Variants in SDK1 observed in about 807,000 individuals in gnomAD.
The protein encoded by SDK1 is protein sidekick-1.
In SDK1, 157 loss-of-function variants were observed where a neutral mutation model predicts 245.5. That is an observed-to-expected ratio of 0.64 (90% confidence interval 0.56 to 0.73). The LOEUF (loss-of-function observed/expected upper bound fraction) is 0.73. SDK1 is among the 30% of genes least tolerant of loss of function. The probability of loss-of-function intolerance (pLI) is 0.00; values close to 1 mark genes in which losing one functional copy is unlikely to be tolerated. For missense variants in SDK1, 3,583 were observed against 3,002.3 expected (o/e 1.19, Z -4.52); for synonymous variants, 1,647 against 1,278.5 (o/e 1.29, Z -6.15).
intron 5 of SDK1, among the ~76,000 whole-genome samples, chr7:3,882,794 A>G (rs1473313288): frequency 6.6e-6 from 1 of 151,990 alleles, no homozygotes; most frequent in Non-Finnish European, 1.5e-5. Flanking sequence ...AATTCTCTTC[A>G]CCAGTTAAAA....
At chr7:3,688,081 A>T (rs535474535) in intron 4 of SDK1, among the ~76,000 whole-genome samples, 22 of 152,384 alleles carry the variant, frequency 1.4e-4, no homozygotes, top group Non-Finnish European at 1.5e-5. Flanking sequence ...AAGCCAGTGT[A>T]CTAAGAGCTG....
At chr7:3,433,531 A>G (rs1171124548) in intron 1 of SDK1, among the ~76,000 whole-genome samples, 1 of 151,654 alleles carries the variant, frequency 6.6e-6, no homozygotes, top group African/African-American at 2.4e-5. Flanking sequence ...CTCTTTCCCT[A>G]TTTCTTCTTC....
chr7:3,933,982 G>A (rs1375707419), intron 5 of SDK1, among the ~76,000 whole-genome samples: 1 of 152,170 alleles, frequency 6.6e-6, no homozygotes, highest in Non-Finnish European at 1.5e-5. Context: ...GTTTGGTGTT[G>A]TTCCTGTTAA....
chr7:3,783,381 T>C (rs1199401786), intron 4 of SDK1, among the ~76,000 whole-genome samples: 1 of 151,212 alleles, frequency 6.6e-6, no homozygotes. Flanking sequence ...GAAAAATAAA[T>C]AGAAGGCATC....
intron 35 of SDK1, among the ~76,000 whole-genome samples, chr7:4,202,745 G>A (rs558341295): frequency 2.0e-4 from 31 of 152,112 alleles, no homozygotes; most frequent in African/African-American, 6.3e-4. Flanking sequence ...CAAATGCCAC[G>A]TAGAACCGTT....
At chr7:3,723,356 C>G (rs1487460541) in intron 4 of SDK1, among the ~76,000 whole-genome samples, 1 of 152,130 alleles carries the variant, frequency 6.6e-6, no homozygotes, top group Non-Finnish European at 1.5e-5. Context: ...AAATATAAGC[C>G]TTTGAAAAAT....
At chr7:3,768,338 A>G (rs1207366053) in intron 4 of SDK1, among the ~76,000 whole-genome samples, 9 of 152,244 alleles carry the variant, frequency 5.9e-5, no homozygotes, top group Non-Finnish European at 1.0e-4. Flanking sequence ...ACTCAAGGAC[A>G]GTATTGTCAT....
At chr7:3,802,191 G>C (rs1417373507) in intron 4 of SDK1, among the ~76,000 whole-genome samples, 1 of 151,994 alleles carries the variant, frequency 6.6e-6, no homozygotes, top group Middle Eastern at 3.2e-3. Context: ...GTAGTTCTTT[G>C]TCATTTTACT....
chr7:3,937,432 C>G (rs1462735523), intron 5 of SDK1, among the ~76,000 whole-genome samples: 2 of 152,212 alleles, frequency 1.3e-5, no homozygotes, highest in African/African-American at 2.4e-5. Flanking sequence ...AACCACCCAG[C>G]CTGCAGAGGC....
chr7:3,305,895 C>G (rs540159447), intron 1 of SDK1, among the ~76,000 whole-genome samples: 2 of 152,282 alleles, frequency 1.3e-5, no homozygotes, highest in East Asian at 3.9e-4. Flanking sequence ...GAGAGGTAGA[C>G]AGCATTTTTG....
chr7:3,778,274 G>C (rs960327894), intron 4 of SDK1, among the ~76,000 whole-genome samples: 69 of 151,860 alleles, frequency 4.5e-4, no homozygotes, highest in Non-Finnish European at 1.3e-4. Flanking sequence ...TATTTTAATA[G>C]TAGTTTCCTA....
chr7:3,348,186 T>A (rs1780559363), intron 1 of SDK1, among the ~76,000 whole-genome samples: 1 of 152,148 alleles, frequency 6.6e-6, no homozygotes, highest in Non-Finnish European at 1.5e-5. Context: ...TAGCCCAGGC[T>A]TACTGCTTGG....
chr7:3,541,759 A>G (rs2614950), intron 1 of SDK1, among the ~76,000 whole-genome samples: 38,270 of 152,236 alleles, frequency 0.25, 5,224 homozygotes, highest in South Asian at 0.38. Context: ...AATTCCTCCA[A>G]TAAGACATCA....
chr7:3,663,469 T>A (rs770931318), intron 4 of SDK1, among the ~76,000 whole-genome samples: 5 of 152,216 alleles, frequency 3.3e-5, no homozygotes, highest in Non-Finnish European at 7.3e-5. Flanking sequence ...CCTTGCTTGT[T>A]TGCATTCTGT....
chr7:3,741,275 T>G lies in SDK1; in HGVS notation c.714-80175T>G, dbSNP rs73672157. On this transcript the variant is annotated intron_variant, in intron 4 of 44. Coordinates refer to ENST00000404826, the MANE Select transcript of SDK1 (RefSeq NM_152744.4). ...CCAATTTTTGGAGTAACCAAAACTT[T>G]AGGAAGGCCCTGTCAGCCCACCTCC... Among the ~76,000 whole-genome samples the G allele has an allele frequency of 5.8e-3, 883 of 152,290 alleles. 3 individuals are homozygous for G. The highest frequency in any genetic ancestry group is 0.019 in the African/African-American group (807 of 41,552).
At chr7:3,866,366 A>C (rs1780821029) in intron 5 of SDK1, among the ~76,000 whole-genome samples, 1 of 152,220 alleles carries the variant, frequency 6.6e-6, no homozygotes, top group Admixed American at 6.5e-5. Context: ...GCAACAAGCA[A>C]GTCAACAAGC....
intron 19 of SDK1, among the ~76,000 whole-genome samples, chr7:4,063,597 C>CA (rs35423286): frequency 0.26 from 32,726 of 125,042 alleles, 5,151 homozygotes; most frequent in African/African-American, 0.51. Flanking sequence ...ACAGAAATAG[C>CA]AAAAAAAAAA....
At chr7:3,911,496 G>T (rs1215764124) in intron 5 of SDK1, among the ~76,000 whole-genome samples, 1 of 152,116 alleles carries the variant, frequency 6.6e-6, no homozygotes, top group Non-Finnish European at 1.5e-5. Flanking sequence ...GGGCAGACGG[G>T]CTTCCTCAGG....
intron 7 of SDK1, among the ~76,000 whole-genome samples, chr7:3,958,682 A>G (rs1781448493): frequency 6.6e-6 from 1 of 152,158 alleles, no homozygotes. Flanking sequence ...AAATTAAGAT[A>G]TTCCATGATT....
Sources: allele counts gnomAD v4.1 joint callset (sites outside exome capture counted in the v4.1 genomes callset), GRCh38; gene constraint gnomAD v4.1.1; transcripts MANE v1.5; gene names NCBI Gene and HGNC (gene_info 2026-07-23, HGNC 2026-07-21).